KIF21A: variants seen among roughly 807,000 people sequenced by gnomAD.
KIF21A encodes kinesin-like protein KIF21A.
In KIF21A, 114 loss-of-function variants were observed where a neutral mutation model predicts 202.9. The ratio of observed to expected loss-of-function variants is 0.56; its 90% CI spans 0.48 to 0.66. The LOEUF is 0.66. Among genes scored for constraint, KIF21A ranks in the 30% least tolerant of loss-of-function variants. KIF21A has a pLI of 0.00. For synonymous variants in KIF21A, 667 were observed against 670.8 expected, an observed-to-expected ratio of 0.99 and a Z score of 0.09; for missense variants, 1,677 against 1,994.9, an observed-to-expected ratio of 0.84 and a Z score of 3.04.
rs183069815 is a variant in KIF21A at position 39,397,580 on chromosome 12, C to T, written c.45-27319G>A. Among the ~76,000 whole-genome samples, 7 of 152,316 alleles carry T rather than the reference C, an allele frequency of 4.6e-5. No homozygotes were observed. The East Asian group carries it at 1.3e-3, about 29-fold the overall frequency. On this transcript the variant is annotated intron_variant, in intron 1 of 37. Transcript: ENST00000361418. ...CTCCCAAGGCTCCAAGACAGTAGTA[C>T]TGACATATTCCTATGACCCAGAACA...
At chr12:39,441,347 G>T (rs890599432) in intron 1 of KIF21A, among the ~76,000 whole-genome samples, 1 of 151,946 alleles carries the variant, frequency 6.6e-6, no homozygotes, top group Non-Finnish European at 1.5e-5. Flanking sequence ...AATCTCAAAC[G>T]TCTAAAAACA....
chr12:39,347,255 G>T, intron 11 of KIF21A, among the ~76,000 whole-genome samples: 1 of 151,178 alleles, frequency 6.6e-6, no homozygotes. Flanking sequence ...AAGGGGGGTG[G>T]GGAGAAAAGT....
rs1486236477 is a variant in KIF21A, at chr12:39,322,879, G to A, written c.3460C>T (p.Arg1154Ter). Reference sequence around the variant, plus strand: ...TCCATCTGAGTGGTGGTTCTCCTTCGGGCCTAGTCAAAGAATGGAAGGAAA... The same window carrying A: ...TCCATCTGAGTGGTGGTTCTCCTTCAGGCCTAGTCAAAGAATGGAAGGAAA... ...CGEVKPKNKARRRTTTQMELL... is the reference protein window; with the variant it reads ...CGEVKPKNKA The change falls in exon 27 of 38, where the codon CGA becomes TGA. Residue 1154 changes from arginine to a stop codon, truncating the protein, a stop_gained. Transcript: ENST00000361418. LOFTEE classifies it high-confidence loss of function. 4.4e-6 allele frequency: 7 copies of A among 1,596,540 alleles called. No homozygotes were observed. Among genetic ancestry groups the A allele is most frequent in the East Asian group, 2.2e-5 (1 of 44,518 alleles).
chr12:39,382,595 T>A (rs191813315), intron 1 of KIF21A, among the ~76,000 whole-genome samples: 105 of 152,306 alleles, frequency 6.9e-4, no homozygotes, highest in Non-Finnish European at 1.3e-3. Flanking sequence ...AGACTTAGAT[T>A]TTTAAAATTA....
At chr12:39,421,723 TTA>T (rs374130613) in intron 1 of KIF21A, among the ~76,000 whole-genome samples, 10,587 of 134,908 alleles carry the variant, frequency 0.078, 694 homozygotes, top group East Asian at 0.31. Flanking sequence ...TATATATAAT[TTA>T]TATATATATA....
chr12:39,355,707 T>TTATATATATATATA lies in KIF21A; in HGVS notation c.1469+1111_1469+1124dup, dbSNP rs10580436. ...TACCAAAAACATGAAGCATGAACAA[T>TTATATATATATATA]TATATATATATATATATATATATAT... On this transcript the variant is annotated intron_variant, in intron 10 of 37. Coordinates refer to ENST00000361418, the MANE Select transcript of KIF21A (RefSeq NM_001173464.2). Among the ~76,000 whole-genome samples the TTATATATATATATA allele has an allele frequency of 2.5e-3, 257 of 101,186 alleles. 5 individuals carry two copies. The highest frequency in any genetic ancestry group is 9.2e-3 in the South Asian group (23 of 2,488). 66.4% of individuals were successfully genotyped at this position (101,186 alleles called of 152,430 possible). A position where few individuals can be genotyped will look rare whatever the true frequency, so the allele number is the denominator to read the frequency against.
At chr12:39,341,178 T>A (rs1396548345) in intron 14 of KIF21A, 84 bp from the exon 15 acceptor site, 1 of 1,083,450 alleles carries the variant, frequency 9.2e-7, no homozygotes, top group Non-Finnish European at 1.4e-6. Flanking sequence ...ATAAAAACCA[T>A]CAACTAGGTA....
intron 23 of KIF21A, 28 bp downstream of exon 23, chr12:39,330,718 C>A: frequency 2.5e-6 from 4 of 1,611,030 alleles, no homozygotes; most frequent in Non-Finnish European, 3.4e-6. Flanking sequence ...CATGCAAATT[C>A]ATTCAACTAA....
chr12:39,421,418 C>T (rs1224738412), intron 1 of KIF21A, among the ~76,000 whole-genome samples: 2 of 152,082 alleles, frequency 1.3e-5, no homozygotes, highest in African/African-American at 2.4e-5. Context: ...GATGGCCGAG[C>T]GCAGTGGCTC....
chr12:39,299,692 G>T (rs1052449168), intron 37 of KIF21A, among the ~76,000 whole-genome samples: 5 of 152,108 alleles, frequency 3.3e-5, no homozygotes, highest in Non-Finnish European at 7.4e-5. Context: ...CAAAGACATG[G>T]AATCAACCTA....
intron 3 of KIF21A, among the ~76,000 whole-genome samples, chr12:39,369,506 T>C (rs912860172): frequency 2.0e-5 from 3 of 152,152 alleles, no homozygotes; most frequent in African/African-American, 7.2e-5. Flanking sequence ...TAATTGTTCT[T>C]TTATTCTATG....
intron 25 of KIF21A, 97 bp from the exon 26 acceptor site, chr12:39,325,990 C>A (rs1191790358): frequency 4.7e-6 from 4 of 856,450 alleles, no homozygotes; most frequent in African/African-American, 3.4e-5. Flanking sequence ...AATTTATATG[C>A]CTATGGGAAA....
chr12:39,327,940 A>G (rs1189769510), intron 24 of KIF21A, among the ~76,000 whole-genome samples: 2 of 152,232 alleles, frequency 1.3e-5, no homozygotes, highest in African/African-American at 4.8e-5. Flanking sequence ...GTCTCACTTC[A>G]CTGGAAGTTA....
intron 1 of KIF21A, among the ~76,000 whole-genome samples, chr12:39,404,675 G>A (rs553403760): frequency 2.4e-4 from 37 of 152,234 alleles, no homozygotes. Context: ...TCATTATATA[G>A]GTAGCAATGT....
At chr12:39,354,956 T>G (rs1948653033) in intron 10 of KIF21A, among the ~76,000 whole-genome samples, 1 of 152,228 alleles carries the variant, frequency 6.6e-6, no homozygotes, top group Admixed American at 6.5e-5. Flanking sequence ...ACCTTATTGA[T>G]AAATAGAAGC....
intron 16 of KIF21A, among the ~76,000 whole-genome samples, chr12:39,339,600 A>G (rs955186076): frequency 1.3e-5 from 2 of 152,218 alleles, no homozygotes; most frequent in African/African-American, 4.8e-5. Context: ...TAAGAAAACT[A>G]CACTGACTTT....
chr12:39,315,793 T>C, intron 30 of KIF21A, 139 bp downstream of exon 30: 2 of 765,630 alleles, frequency 2.6e-6, no homozygotes, highest in Non-Finnish European at 2.4e-6. Flanking sequence ...AATTATCATG[T>C]TTAGAAATAT....
intron 1 of KIF21A, among the ~76,000 whole-genome samples, chr12:39,385,441 C>T (rs1950882017): frequency 1.3e-5 from 2 of 152,062 alleles, no homozygotes; most frequent in South Asian, 2.1e-4. Flanking sequence ...TTCATCCATA[C>T]CCAAAGAGGT....
At chr12:39,368,055 C>T (rs888035552) in intron 3 of KIF21A, 23 bp from the exon 4 acceptor site, 6 of 1,461,174 alleles carry the variant, frequency 4.1e-6, no homozygotes, top group Non-Finnish European at 5.7e-6. Flanking sequence ...TATTAGAAAT[C>T]TAATTTTAGC....
Sources: allele counts gnomAD v4.1 joint callset (sites outside exome capture counted in the v4.1 genomes callset), GRCh38; gene constraint gnomAD v4.1.1; transcripts MANE v1.5; gene names NCBI Gene and HGNC (gene_info 2026-07-23, HGNC 2026-07-21).